Variants in RPA1 observed in about 807,000 individuals in gnomAD.
The protein encoded by RPA1 is replication protein A 70 kDa DNA-binding subunit.
Under a neutral mutation model 83.0 loss-of-function variants are expected in RPA1, and 49 were observed. The ratio of observed to expected loss-of-function variants is 0.59; its 90% CI spans 0.47 to 0.75. The LOEUF (loss-of-function observed/expected upper bound fraction) is 0.75. Ranked by LOEUF, RPA1 falls within the 30% of genes least tolerant of loss-of-function variation. The probability of loss-of-function intolerance (pLI) is 0.00; values close to 1 mark genes in which losing one functional copy is unlikely to be tolerated. For missense variants in RPA1, 693 were observed against 776.1 expected (o/e 0.89, Z 1.27); for synonymous variants, 279 against 281.8 (o/e 0.99, Z 0.10).
intron 1 of RPA1, among the ~76,000 whole-genome samples, chr17:1,841,891 A>G (rs9914427): frequency 0.058 from 8,824 of 152,102 alleles, 841 homozygotes; most frequent in African/African-American, 0.2. Context: ...CTATTCTTTG[A>G]ATGTGACAAA....
chr17:1,855,776 T>A (rs1912669767), intron 5 of RPA1, among the ~76,000 whole-genome samples: 1 of 151,988 alleles, frequency 6.6e-6, no homozygotes, highest in African/African-American at 2.4e-5. Context: ...ACTTCTTCCT[T>A]AGATGTTCAG....
In RPA1 at chr17:1,896,156, A is replaced by G. The variant is rs1171844657; in HGVS notation, c.1747-915A>G. 2.0e-5 allele frequency among the ~76,000 whole-genome samples: 3 copies of G among 152,242 alleles called. No homozygotes were observed. The South Asian group carries it at 6.2e-4, about 31-fold the overall frequency. ...GAGAGACACGGGCATTCAGAGAACA[A>G]GTCACTTGCCTAAGTTGTATGCTAG... On this transcript the variant is annotated intron_variant, in intron 16 of 16. Coordinates refer to ENST00000254719, the MANE Select transcript of RPA1 (RefSeq NM_002945.5).
intron 12 of RPA1, 134 bp downstream of exon 12, chr17:1,880,825 G>A (rs1173248264): frequency 1.6e-4 from 194 of 1,222,818 alleles, no homozygotes; most frequent in Non-Finnish European, 2.2e-4. Context: ...GTTTCTTGAA[G>A]GCATTATGCC....
chr17:1,846,696 C>G (rs1178938193), intron 4 of RPA1, among the ~76,000 whole-genome samples: 3 of 152,134 alleles, frequency 2.0e-5, no homozygotes, highest in African/African-American at 4.8e-5. Flanking sequence ...CGAAGTTTTT[C>G]TGTGTGTTAT....
At chr17:1,889,128 A>G (rs954030760) in intron 14 of RPA1, among the ~76,000 whole-genome samples, 7 of 152,172 alleles carry the variant, frequency 4.6e-5, no homozygotes, top group Non-Finnish European at 8.8e-5. Flanking sequence ...AACGGCATTT[A>G]TAGACAGCAC....
chr17:1,890,943 G>T (rs1914181230), intron 14 of RPA1, among the ~76,000 whole-genome samples: 1 of 152,176 alleles, frequency 6.6e-6, no homozygotes, highest in African/African-American at 2.4e-5. Flanking sequence ...GGATAGCGTG[G>T]GTTAAAGGAA....
chr17:1,892,064 T>G (rs1567829364), intron 15 of RPA1, 124 bp downstream of exon 15: 2 of 528,500 alleles, frequency 3.8e-6, no homozygotes, highest in Non-Finnish European at 6.4e-6. Flanking sequence ...TGGAGTGCAG[T>G]GGCGCGATCT....
At chr17:1,867,566 C>G (rs1366281035) in intron 5 of RPA1, among the ~76,000 whole-genome samples, 1 of 151,786 alleles carries the variant, frequency 6.6e-6, no homozygotes, top group African/African-American at 2.4e-5. Context: ...AAAAAATTAT[C>G]CAGGCCTGAT....
intron 1 of RPA1, among the ~76,000 whole-genome samples, chr17:1,834,750 A>G (rs929429689): frequency 2.0e-5 from 3 of 152,198 alleles, no homozygotes; most frequent in Non-Finnish European, 4.4e-5. Flanking sequence ...GAAGATAGCT[A>G]TTATACTCCC....
Position 1,843,988 on chromosome 17 carries a change from C to T in RPA1, c.153C>T (p.Asn51=). The change falls in exon 3 of 17, where the codon AAC becomes AAT. Residue 51 remains asparagine (N), a synonymous_variant. Transcript: ENST00000254719. ...RYRLLMSDGL[N]TLSSFMLATQ... is the part of the protein sequence containing the mutation. ...GACTGCTCATGAGTGATGGATTGAA[C>T]ACTCTATCCTGTGAGTATGGTGTAT... The T allele has an allele frequency of 6.2e-7, 1 of 1,612,740 alleles. No homozygotes were observed. The highest frequency in any genetic ancestry group is 1.7e-5 in the Admixed American group (1 of 59,952).
chr17:1,898,153 G>T lies in RPA1; in HGVS notation c.*978G>T, dbSNP rs964672308. 4.6e-5 allele frequency: 7 copies of T among 152,142 alleles called. No homozygotes were observed. The highest frequency in any genetic ancestry group is 4.4e-5 in the Non-Finnish European group (3 of 68,020). 9.4% of individuals were successfully genotyped at this position (152,142 alleles called of 1,614,324 possible). ...TCATAATAAATGTTCACTTGGGGGG[G>T]ATGTTAACTCATTATAAACCCGAAG... On this transcript the variant is annotated 3_prime_UTR_variant, in exon 17 of 17. Transcript: ENST00000254719.
At position 1,874,008 on chromosome 17, in the gene RPA1, A is replaced by AT. The variant is rs1315665231; in HGVS notation, c.454+1482_454+1483insT. Reference sequence around the variant, plus strand: ...ACTCTGTCTCAAAAAAAAAAAAAAAAAAAAATATATATATATATATATATA... The same window carrying AT: ...ACTCTGTCTCAAAAAAAAAAAAAAAATAAAAATATATATATATATATATATA... On this transcript the variant is annotated intron_variant, in intron 6 of 16. Transcript: ENST00000254719. Among the ~76,000 whole-genome samples, 152 of 102,268 alleles carry AT rather than the reference A, an allele frequency of 1.5e-3. 1 individual carries two copies. The highest frequency in any genetic ancestry group is 5.6e-3 in the African/African-American group (117 of 20,744). 67.1% of individuals were successfully genotyped at this position (102,268 alleles called of 152,430 possible). A position where few individuals can be genotyped will look rare whatever the true frequency, so the allele number is the denominator to read the frequency against.
At chr17:1,851,716 T>G (rs1222513540) in intron 4 of RPA1, among the ~76,000 whole-genome samples, 1 of 152,204 alleles carries the variant, frequency 6.6e-6, no homozygotes, top group East Asian at 1.9e-4. Context: ...TCTGGAGTGA[T>G]TTGTATAATT....
chr17:1,831,765 AT>A (rs546771069), intron 1 of RPA1, among the ~76,000 whole-genome samples: 19 of 150,932 alleles, frequency 1.3e-4, no homozygotes, highest in East Asian at 1.2e-3. Flanking sequence ...CGCCCGGCTA[AT>A]TTTTTGTATT....
chr17:1,848,992 T>A (rs1053276302), intron 4 of RPA1, among the ~76,000 whole-genome samples: 3 of 152,352 alleles, frequency 2.0e-5, no homozygotes, highest in Admixed American at 2.0e-4. Flanking sequence ...TATGAACATT[T>A]GTGTACAAGT....
At chr17:1,837,779 T>G (rs1049511482) in intron 1 of RPA1, among the ~76,000 whole-genome samples, 1 of 152,252 alleles carries the variant, frequency 6.6e-6, no homozygotes, top group Non-Finnish European at 1.5e-5. Context: ...GTTTTGTGCT[T>G]ATTAATGAGT....
intron 5 of RPA1, chr17:1,858,331 C>T (rs750123645): frequency 9.3e-6 from 15 of 1,608,590 alleles, no homozygotes; most frequent in Non-Finnish European, 1.2e-5. Flanking sequence ...AATACCAGTG[C>T]CACGGTGGCA....
At chr17:1,872,036 C>G (rs912204215) in intron 5 of RPA1, 1 of 177,896 alleles carries the variant, frequency 5.6e-6, no homozygotes, top group Non-Finnish European at 1.2e-5. Flanking sequence ...GCTTTTTCTT[C>G]TGATTGATCC....
intron 14 of RPA1, 55 bp downstream of exon 14, chr17:1,888,906 G>A (rs1914098265): frequency 6.4e-7 from 1 of 1,565,338 alleles, no homozygotes; most frequent in South Asian, 1.2e-5. Flanking sequence ...GCCCTCCCGT[G>A]TGCCAGGCAC....
Sources: gnomAD v4.1 joint callset for allele counts (sites outside exome capture counted in the v4.1 genomes callset) on GRCh38, gnomAD v4.1.1 for gene constraint, MANE v1.5 for transcripts, NCBI Gene and HGNC (gene_info 2026-07-23, HGNC 2026-07-21) for gene names.